Variants in ZFP2 observed in about 807,000 individuals in gnomAD.
ZFP2 encodes the protein ZFP2 zinc finger protein.
In ZFP2, 33 loss-of-function variants were observed where a neutral mutation model predicts 36.1. The observed-to-expected ratio is 0.92, with a 90% CI of 0.69 to 1.22. The LOEUF is 1.22. Ranked by LOEUF, ZFP2 falls within the 50% of genes most tolerant of loss-of-function variation. The pLI is 0.00. For synonymous variants in ZFP2, 170 were observed against 178.0 expected, an observed-to-expected ratio of 0.96 and a Z score of 0.36; for missense variants, 522 against 551.4, an observed-to-expected ratio of 0.95 and a Z score of 0.53.
chr5:178,930,145 A>G (rs1758795122), intron 4 of ZFP2, among the ~76,000 whole-genome samples: 2 of 151,680 alleles, frequency 1.3e-5, no homozygotes, highest in South Asian at 2.1e-4. Flanking sequence ...CCATGATCCA[A>G]TCATCTCCCA....
At chr5:178,907,621 G>GATAAA (rs1554106059) in intron 1 of ZFP2, among the ~76,000 whole-genome samples, 2 of 150,070 alleles carry the variant, frequency 1.3e-5, no homozygotes, top group Non-Finnish European at 3.0e-5. Flanking sequence ...TATTCAAAGA[G>GATAAA]ATAAATAAAT....
chr5:178,897,396 T>G (rs949858142), intron 1 of ZFP2, among the ~76,000 whole-genome samples: 1 of 152,250 alleles, frequency 6.6e-6, no homozygotes, highest in African/African-American at 2.4e-5. Flanking sequence ...GTTTCCTGAC[T>G]GTGCAGAAAC....
intron 3 of ZFP2, among the ~76,000 whole-genome samples, chr5:178,914,960 C>T (rs76414243): frequency 0.045 from 6,779 of 152,232 alleles, 217 homozygotes; most frequent in Non-Finnish European, 0.071. Flanking sequence ...GTAAACCTTA[C>T]GTTTCAGTCC....
intron 4 of ZFP2, among the ~76,000 whole-genome samples, chr5:178,929,946 G>A (rs577419398): frequency 2.0e-5 from 3 of 147,612 alleles, no homozygotes; most frequent in Non-Finnish European, 3.1e-5. Flanking sequence ...TGACGGTGGG[G>A]GGGGGGGCTC....
At chr5:178,922,814 T>C (rs1242025168) in intron 4 of ZFP2, 1 of 1,292,524 alleles carries the variant, frequency 7.7e-7, no homozygotes, top group Non-Finnish European at 1.1e-6. Flanking sequence ...TTTACAGCAC[T>C]GTTTTTTATG....
Position 178,927,492 on chromosome 5 carries a change from A to AT in ZFP2, c.-77-3740dup, listed in dbSNP as rs199778856. On this transcript the variant is annotated intron_variant, in intron 4 of 4. Transcript: ENST00000361362. ...GACTAGGTAATTTATTCATTTATTTATTTTTGGGGTTTTTTTTTTTTGAGA... is the reference window on the plus strand; with the variant it reads ...GACTAGGTAATTTATTCATTTATTTATTTTTTGGGGTTTTTTTTTTTTGAGA... Among the ~76,000 whole-genome samples, 1,371 of 144,122 alleles carry AT rather than the reference A, an allele frequency of 9.5e-3. 18 individuals are homozygous for AT. The highest frequency in any genetic ancestry group is 0.034 in the African/African-American group (1,321 of 39,158). The allele number at this position is 144,122 out of a possible 152,430, so 94.5% of individuals were successfully genotyped here. A position where few individuals can be genotyped will look rare whatever the true frequency, so the allele number is the denominator to read the frequency against.
At chr5:178,908,555 A>C (rs1040833723) in intron 1 of ZFP2, among the ~76,000 whole-genome samples, 30 of 147,864 alleles carry the variant, frequency 2.0e-4, no homozygotes, top group Admixed American at 7.0e-4. Context: ...GCACTGTATC[A>C]TTTTATAATG....
At chr5:178,914,845 G>A (rs1284230841) in intron 3 of ZFP2, among the ~76,000 whole-genome samples, 1 of 152,178 alleles carries the variant, frequency 6.6e-6, no homozygotes, top group Non-Finnish European at 1.5e-5. Flanking sequence ...TGGGCCACAT[G>A]GGAGAACATT....
intron 4 of ZFP2, among the ~76,000 whole-genome samples, chr5:178,918,454 T>C (rs888064801): frequency 6.6e-6 from 1 of 152,192 alleles, no homozygotes; most frequent in African/African-American, 2.4e-5. Flanking sequence ...GGGACCTGCT[T>C]GCTGCCCAGT....
intron 4 of ZFP2, among the ~76,000 whole-genome samples, chr5:178,930,314 C>CTTTTTTTTT (rs990713790): frequency 8.8e-4 from 63 of 71,374 alleles, no homozygotes; most frequent in Non-Finnish European, 1.3e-3. Context: ...TTTCCCTTTC[C>CTTTTTTTTT]TTTTTTTTTT....
intron 1 of ZFP2, among the ~76,000 whole-genome samples, chr5:178,904,904 A>G (rs1295440246): frequency 6.6e-6 from 1 of 151,862 alleles, no homozygotes; most frequent in Non-Finnish European, 1.5e-5. Context: ...GGGTTTCACC[A>G]TGCTGGCAGG....
At chr5:178,915,034 A>G (rs1566105) in intron 3 of ZFP2, among the ~76,000 whole-genome samples, 113,425 of 152,122 alleles carry the variant, frequency 0.75, 42,468 homozygotes, top group East Asian at 0.84. Context: ...CATTGTCTGA[A>G]TGTTCTTCTT....
At chr5:178,915,070 A>G (rs1758390448) in intron 3 of ZFP2, among the ~76,000 whole-genome samples, 1 of 152,104 alleles carries the variant, frequency 6.6e-6, no homozygotes, top group African/African-American at 2.4e-5. Context: ...TAACGCATAC[A>G]CTAACTTCAC....
chr5:178,896,165 C>G (rs1033135642), intron 1 of ZFP2, among the ~76,000 whole-genome samples, 191 bp downstream of exon 1: 2 of 152,218 alleles, frequency 1.3e-5, no homozygotes, highest in African/African-American at 4.8e-5. Context: ...GGTGCGCTCC[C>G]TCTTCCCCAG....
Position 178,913,233 on chromosome 5 carries a change from T to C in ZFP2, c.-224+162T>C, listed in dbSNP as rs78407282. 7.4e-3 allele frequency among the ~76,000 whole-genome samples: 1,122 copies of C among 152,330 alleles called. 4 individuals carry two copies. The highest frequency in any genetic ancestry group is 0.011 in the Admixed American group (165 of 15,298). On this transcript the variant is annotated intron_variant, in intron 3 of 4. Transcript: ENST00000361362. Reference sequence around the variant, plus strand: ...CTCTTTTCTCTAGGGCTCACTTATGTCATCTTGCAGGGAGGTGGTGGATTA... The same window carrying C: ...CTCTTTTCTCTAGGGCTCACTTATGCCATCTTGCAGGGAGGTGGTGGATTA...
chr5:178,911,655 CTG>C (rs1758301001), intron 1 of ZFP2, among the ~76,000 whole-genome samples: 1 of 152,194 alleles, frequency 6.6e-6, no homozygotes, highest in Admixed American at 6.5e-5. Context: ...GGATTTTAGA[CTG>C]TGAGGGAGGT....
chr5:178,909,728 C>G, intron 1 of ZFP2: 1 of 1,541,318 alleles, frequency 6.5e-7, no homozygotes, highest in Non-Finnish European at 8.7e-7. Flanking sequence ...CCTCAGGACA[C>G]AAGCCCTCGG....
chr5:178,896,625 A>G (rs553360885), intron 1 of ZFP2, among the ~76,000 whole-genome samples: 24 of 152,264 alleles, frequency 1.6e-4, no homozygotes, highest in African/African-American at 5.8e-4. Flanking sequence ...TTTTTCCTTA[A>G]GCGATTTCAC....
chr5:178,913,072 G>C lies in ZFP2; in HGVS notation c.-224+1G>C, dbSNP rs1758330189. The C allele has an allele frequency of 1.0e-6, 1 of 985,770 alleles. No homozygotes were observed. The highest frequency in any genetic ancestry group is 6.1e-5 in the Admixed American group (1 of 16,282). The allele number at this position is 985,770 out of a possible 1,614,324, so 61.1% of individuals were successfully genotyped here. A position where few individuals can be genotyped will look rare whatever the true frequency, so the allele number is the denominator to read the frequency against. On this transcript the variant is annotated splice_donor_variant, in intron 3 of 4. Coordinates refer to ENST00000361362, the MANE Select transcript of ZFP2 (RefSeq NM_030613.4). LOFTEE classifies it low-confidence loss of function (5UTR_SPLICE). ...GAACCGCCTGAGGGTGGCTTTCGAG[G>C]TAAGTGCCAGGCTGTGCAGACTTGT...
Sources: gnomAD v4.1 joint callset for allele counts (sites outside exome capture counted in the v4.1 genomes callset) on GRCh38, gnomAD v4.1.1 for gene constraint, MANE v1.5 for transcripts, NCBI Gene and HGNC (gene_info 2026-07-23, HGNC 2026-07-21) for gene names.